Variants in ST6GALNAC3 observed in about 807,000 individuals in gnomAD.
ST6GALNAC3 encodes the protein alpha-N-acetylgalactosaminide alpha-2,6-sialyltransferase 3.
Under a neutral mutation model 32.7 loss-of-function variants are expected in ST6GALNAC3, and 25 were observed. That is an observed-to-expected ratio of 0.76 (90% confidence interval 0.56 to 1.07). The LOEUF (loss-of-function observed/expected upper bound fraction) is 1.07. Ranked by LOEUF, ST6GALNAC3 falls within the 50% of genes least tolerant of loss-of-function variation. ST6GALNAC3 has a pLI of 0.00. For synonymous variants in ST6GALNAC3, 129 were observed against 133.1 expected, an observed-to-expected ratio of 0.97 and a Z score of 0.21; for missense variants, 355 against 382.4, an observed-to-expected ratio of 0.93 and a Z score of 0.60.
At chr1:76,362,802 G>T (rs1361326254) in intron 2 of ST6GALNAC3, among the ~76,000 whole-genome samples, 1 of 152,218 alleles carries the variant, frequency 6.6e-6, no homozygotes, top group East Asian at 1.9e-4. Flanking sequence ...GGGCAGCTCT[G>T]TCCATGTGGC....
chr1:76,484,268 T>G (rs1260289820), intron 3 of ST6GALNAC3, among the ~76,000 whole-genome samples: 5 of 151,904 alleles, frequency 3.3e-5, no homozygotes, highest in Admixed American at 6.6e-5. Flanking sequence ...GAAAGTCATT[T>G]GTAGCTTAAT....
At chr1:76,158,423 C>T (rs1343963624) in intron 1 of ST6GALNAC3, among the ~76,000 whole-genome samples, 1 of 152,170 alleles carries the variant, frequency 6.6e-6, no homozygotes, top group Non-Finnish European at 1.5e-5. Context: ...ATGAAGGCAC[C>T]TTTATATCTT....
chr1:76,372,952 T>A (rs36073334), intron 2 of ST6GALNAC3, among the ~76,000 whole-genome samples: 18,056 of 152,072 alleles, frequency 0.12, 1,137 homozygotes, highest in Middle Eastern at 0.13. Context: ...ATATTTTTTT[T>A]AATTTTATTT....
At chr1:76,145,843 G>T (rs184301387) in intron 1 of ST6GALNAC3, among the ~76,000 whole-genome samples, 3 of 152,250 alleles carry the variant, frequency 2.0e-5, no homozygotes, top group Admixed American at 2.0e-4. Context: ...GATCACAAAA[G>T]AAATTTATGT....
intron 3 of ST6GALNAC3, among the ~76,000 whole-genome samples, chr1:76,507,651 AC>A (rs1329499709): frequency 6.6e-6 from 1 of 152,252 alleles, no homozygotes; most frequent in Non-Finnish European, 1.5e-5. Flanking sequence ...TTATGGAAAT[AC>A]CACAGTTCAT....
At chr1:76,376,625 G>C (rs1264224369) in intron 2 of ST6GALNAC3, among the ~76,000 whole-genome samples, 1 of 152,140 alleles carries the variant, frequency 6.6e-6, no homozygotes, top group Non-Finnish European at 1.5e-5. Flanking sequence ...CCAAGTTGTT[G>C]GGTGTATCAA....
intron 2 of ST6GALNAC3, among the ~76,000 whole-genome samples, chr1:76,396,576 G>A (rs1205896174): frequency 1.3e-5 from 2 of 152,136 alleles, no homozygotes; most frequent in Non-Finnish European, 2.9e-5. Context: ...GCTCATTGGA[G>A]CACCTTTCTA....
intron 3 of ST6GALNAC3, among the ~76,000 whole-genome samples, chr1:76,545,755 C>A (rs1664258098): frequency 6.6e-6 from 1 of 151,574 alleles, no homozygotes; most frequent in African/African-American, 2.4e-5. Context: ...CTCTCAGGTT[C>A]AAGTGATTCT....
At chr1:76,091,333 C>T (rs1355246885) in intron 1 of ST6GALNAC3, among the ~76,000 whole-genome samples, 1 of 152,206 alleles carries the variant, frequency 6.6e-6, no homozygotes, top group African/African-American at 2.4e-5. Context: ...CTTTTGAGCC[C>T]TTAGATCATT....
chr1:76,208,917 G>A (rs750097773), intron 1 of ST6GALNAC3, among the ~76,000 whole-genome samples: 32 of 152,048 alleles, frequency 2.1e-4, no homozygotes, highest in Admixed American at 1.8e-3. Flanking sequence ...TCTCAAGCTC[G>A]TTTTCCTTAA....
At chr1:76,202,184 T>C (rs72675907) in intron 1 of ST6GALNAC3, among the ~76,000 whole-genome samples, 12,693 of 151,810 alleles carry the variant, frequency 0.084, 582 homozygotes, top group African/African-American at 0.12. Context: ...AAGGCAGTGA[T>C]ATTTACCTGG....
chr1:76,576,483 C>T (rs1167320473), intron 3 of ST6GALNAC3, among the ~76,000 whole-genome samples: 1 of 151,996 alleles, frequency 6.6e-6, no homozygotes, highest in Non-Finnish European at 1.5e-5. Flanking sequence ...TGCAGTTAGA[C>T]CAAGGAATCT....
intron 1 of ST6GALNAC3, among the ~76,000 whole-genome samples, chr1:76,098,550 T>C (rs1647171574): frequency 6.6e-6 from 1 of 152,294 alleles, no homozygotes; most frequent in Admixed American, 6.5e-5. Context: ...TTTAGATATT[T>C]ATTGGCTATT....
chr1:76,289,663 G>C lies in ST6GALNAC3; in HGVS notation c.19-24142G>C, dbSNP rs530536943. 1.8e-4 allele frequency among the ~76,000 whole-genome samples: 27 copies of C among 152,326 alleles called. No individual in the cohort carries two copies. The Middle Eastern group carries it at 0.01, about 58-fold the overall frequency. ...GGGTTGCACCAACCCCATTAAGTTG[G>C]ACCTGATGAAGCATTGATAGAAGGA... On this transcript the variant is annotated intron_variant, in intron 1 of 4. Coordinates refer to ENST00000328299, the MANE Select transcript of ST6GALNAC3 (RefSeq NM_152996.4).
At chr1:76,276,360 A>G (rs903685326) in intron 1 of ST6GALNAC3, among the ~76,000 whole-genome samples, 18 of 152,090 alleles carry the variant, frequency 1.2e-4, no homozygotes, top group Non-Finnish European at 2.4e-4. Context: ...TATGTATACA[A>G]TCCTAAACAA....
intron 3 of ST6GALNAC3, among the ~76,000 whole-genome samples, chr1:76,593,059 A>AT (rs917717719): frequency 4.6e-5 from 7 of 151,998 alleles, no homozygotes; most frequent in Admixed American, 3.3e-4. Flanking sequence ...TGAAAACATG[A>AT]TTTTTTCTAA....
At chr1:76,086,539 T>C (rs942002443) in intron 1 of ST6GALNAC3, among the ~76,000 whole-genome samples, 1 of 152,192 alleles carries the variant, frequency 6.6e-6, no homozygotes, top group Admixed American at 6.5e-5. Context: ...TTTGTCTATA[T>C]TGAAGCCTAT....
At chr1:76,201,271 A>T (rs1418158476) in intron 1 of ST6GALNAC3, among the ~76,000 whole-genome samples, 1 of 152,160 alleles carries the variant, frequency 6.6e-6, no homozygotes, top group Non-Finnish European at 1.5e-5. Flanking sequence ...GTGAAAGGCA[A>T]AGGAGGAGCA....
At chr1:76,516,969 T>C (rs905698004) in intron 3 of ST6GALNAC3, among the ~76,000 whole-genome samples, 1 of 151,986 alleles carries the variant, frequency 6.6e-6, no homozygotes, top group Non-Finnish European at 1.5e-5. Context: ...TCTTTCAGTC[T>C]TATAAAAATT....
Sources: allele counts gnomAD v4.1 joint callset (sites outside exome capture counted in the v4.1 genomes callset), GRCh38; gene constraint gnomAD v4.1.1; transcripts MANE v1.5; gene names NCBI Gene and HGNC (gene_info 2026-07-23, HGNC 2026-07-21).